Variants in FNIP1 observed in about 807,000 individuals in gnomAD.
FNIP1 encodes the protein folliculin-interacting protein 1.
FNIP1 carries 40 observed loss-of-function variants against 124.5 expected under a neutral mutation model. The observed-to-expected ratio is 0.32, with a 90% confidence interval of 0.25 to 0.42. FNIP1 has a LOEUF of 0.42. Ranked by LOEUF, FNIP1 falls within the 10% of genes least tolerant of loss-of-function variation. The pLI is 1.00. For synonymous variants in FNIP1, 472 were observed against 470.6 expected, an observed-to-expected ratio of 1.00 and a Z score of -0.04; for missense variants, 1,176 against 1,403.7, an observed-to-expected ratio of 0.84 and a Z score of 2.59.
intron 15 of FNIP1, among the ~76,000 whole-genome samples, chr5:131,660,045 T>A (rs1356617996): frequency 6.6e-6 from 1 of 152,198 alleles, no homozygotes; most frequent in Non-Finnish European, 1.5e-5. Flanking sequence ...GGGGGCATCG[T>A]TGCCCGTGAA....
chr5:131,665,228 T>C (rs1239089097), intron 15 of FNIP1, among the ~76,000 whole-genome samples: 1 of 152,094 alleles, frequency 6.6e-6, no homozygotes, highest in Non-Finnish European at 1.5e-5. Context: ...ATACCGGCAA[T>C]AAGTGGCCAA....
At chr5:131,735,130 T>TA (rs1223019789) in intron 2 of FNIP1, among the ~76,000 whole-genome samples, 2 of 151,996 alleles carry the variant, frequency 1.3e-5, no homozygotes, top group Non-Finnish European at 2.9e-5. Context: ...TATGCAGCCA[T>TA]AAAAAAGGAT....
chr5:131,680,854 T>C (rs1372631773), intron 11 of FNIP1, among the ~76,000 whole-genome samples: 1 of 152,072 alleles, frequency 6.6e-6, no homozygotes, highest in Non-Finnish European at 1.5e-5. Flanking sequence ...AATACAAACA[T>C]ATGGTGGAAT....
chr5:131,653,611 A>G (rs772543954), intron 15 of FNIP1, among the ~76,000 whole-genome samples: 3 of 152,240 alleles, frequency 2.0e-5, no homozygotes, highest in Non-Finnish European at 4.4e-5. Context: ...ATGAAAGTGT[A>G]TAGAAAAAAG....
At chr5:131,679,674 G>C (rs1340418032) in intron 11 of FNIP1, among the ~76,000 whole-genome samples, 1 of 152,110 alleles carries the variant, frequency 6.6e-6, no homozygotes, top group Non-Finnish European at 1.5e-5. Flanking sequence ...TAAGGACAGC[G>C]AGAACAGTAT....
intron 13 of FNIP1, among the ~76,000 whole-genome samples, chr5:131,674,081 A>C (rs889378038): frequency 4.6e-4 from 70 of 152,172 alleles, no homozygotes; most frequent in Middle Eastern, 3.4e-3. Flanking sequence ...AAAATAAAAA[A>C]GTAAGTCATA....
intron 17 of FNIP1, among the ~76,000 whole-genome samples, chr5:131,646,529 G>A (rs2149501228): frequency 6.6e-6 from 1 of 152,268 alleles, no homozygotes; most frequent in Admixed American, 6.5e-5. Flanking sequence ...CCCACCTAAA[G>A]TGGCCAGAGA....
At chr5:131,667,658 G>A (rs1171760708) in intron 15 of FNIP1, among the ~76,000 whole-genome samples, 1 of 150,348 alleles carries the variant, frequency 6.7e-6, no homozygotes, top group African/African-American at 2.5e-5. Context: ...GCGTGATCTC[G>A]GCTCACTGCA....
chr5:131,669,486 G>C (rs1167533741), intron 15 of FNIP1, among the ~76,000 whole-genome samples: 1 of 152,004 alleles, frequency 6.6e-6, no homozygotes, highest in African/African-American at 2.4e-5. Flanking sequence ...TGACAGAGTG[G>C]GAATTGCTTC....
intron 15 of FNIP1, among the ~76,000 whole-genome samples, chr5:131,656,036 C>T (rs1767183304): frequency 6.6e-6 from 1 of 152,096 alleles, no homozygotes; most frequent in Admixed American, 6.5e-5. Flanking sequence ...TGCACCATTG[C>T]ACTCCAGTCT....
rs144180828 is a variant in FNIP1 at position 131,684,575 on chromosome 5, C to T, written c.1203-5400G>A. Among the ~76,000 whole-genome samples the T allele has an allele frequency of 9.8e-5, 15 of 152,292 alleles. No homozygotes were observed. In the East Asian group the frequency reaches 2.9e-3, roughly 29 times the overall value. ...TTTTACAGATTTTATAACTCGCATGCTGTAAATTCCAGGCAATCTTGAAAT... is the reference window on the plus strand; with the variant it reads ...TTTTACAGATTTTATAACTCGCATGTTGTAAATTCCAGGCAATCTTGAAAT... On this transcript the variant is annotated intron_variant, in intron 11 of 17. Transcript: ENST00000510461.
Position 131,797,016 on chromosome 5 carries a change from A to C in FNIP1, c.-95T>G. On this transcript the variant is annotated 5_prime_UTR_variant, in exon 1 of 18. Coordinates refer to ENST00000510461, the MANE Select transcript of FNIP1 (RefSeq NM_133372.3). ...CCACCCCCATGGGCGCCTCAGTCAT[A>C]TGACAGAAATTAGTCACTTCAAACG... is the stretch of plus-strand genomic sequence containing the variant. 1.7e-6 allele frequency: 2 copies of C among 1,168,452 alleles called. No individual in the cohort carries two copies. The highest frequency in any genetic ancestry group is 1.4e-5 in the South Asian group (1 of 71,144). 72.4% of individuals were successfully genotyped at this position (1,168,452 alleles called of 1,614,324 possible).
chr5:131,717,697 A>G (rs1378896780), intron 5 of FNIP1, among the ~76,000 whole-genome samples: 1 of 152,136 alleles, frequency 6.6e-6, no homozygotes, highest in East Asian at 1.9e-4. Context: ...TTTAGTGCAA[A>G]ATATCCTTTC....
Position 131,672,209 on chromosome 5 carries a change from C to T in FNIP1, c.2235G>A (p.Glu745=), listed in dbSNP as rs1330115441. 1.2e-6 allele frequency: 2 copies of T among 1,614,178 alleles called. No homozygotes were observed. The highest frequency in any genetic ancestry group is 3.3e-5 in the Admixed American group (2 of 60,014). ...GGAAAGTAACCTTTGTCTGGGCAGC[C>T]TCACAAGAAAATGAAGCAGGCACAA... ...DKIVPASFSC[E]AAQTKVTFLI... The change falls in exon 14 of 18, where the codon GAG becomes GAA. Residue 745 remains glutamate, a synonymous_variant. Coordinates refer to ENST00000510461, the MANE Select transcript of FNIP1 (RefSeq NM_133372.3).
At chr5:131,788,555 T>C (rs193291770) in intron 1 of FNIP1, among the ~76,000 whole-genome samples, 65 of 151,582 alleles carry the variant, frequency 4.3e-4, no homozygotes, top group Middle Eastern at 3.4e-3. Context: ...TACAAAAATT[T>C]TTGGGCGTGG....
chr5:131,679,296 A>G (rs1017570432), intron 11 of FNIP1, 121 bp from the exon 12 acceptor site: 2 of 648,234 alleles, frequency 3.1e-6, no homozygotes, highest in Non-Finnish European at 5.5e-6. Context: ...CTTTTGAGGA[A>G]AGACAATGGA....
intron 10 of FNIP1, 148 bp downstream of exon 10, chr5:131,703,917 A>G (rs1768986757): frequency 6.7e-6 from 4 of 596,064 alleles, no homozygotes; most frequent in African/African-American, 3.8e-5. Flanking sequence ...CACCTTAAAA[A>G]GGGTTCAATC....
intron 11 of FNIP1, among the ~76,000 whole-genome samples, chr5:131,693,894 C>G (rs1768601455): frequency 6.6e-6 from 1 of 151,530 alleles, no homozygotes; most frequent in Admixed American, 6.6e-5. Context: ...GAAAAAAAAG[C>G]CAACTTAAAA....
intron 2 of FNIP1, among the ~76,000 whole-genome samples, chr5:131,743,228 A>G (rs1770568209): frequency 6.6e-6 from 1 of 152,156 alleles, no homozygotes; most frequent in African/African-American, 2.4e-5. Flanking sequence ...TAATAAAATA[A>G]ATGAGACTGG....
Sources: gnomAD v4.1 joint callset for allele counts (sites outside exome capture counted in the v4.1 genomes callset) on GRCh38, gnomAD v4.1.1 for gene constraint, MANE v1.5 for transcripts, NCBI Gene and HGNC (gene_info 2026-07-23, HGNC 2026-07-21) for gene names.